RALGAPA1: variants seen among roughly 807,000 people sequenced by gnomAD.
RALGAPA1 encodes ral GTPase-activating protein subunit alpha-1.
Under a neutral mutation model 269.6 loss-of-function variants are expected in RALGAPA1, and 52 were observed. The observed-to-expected ratio is 0.19, with a 90% confidence interval of 0.15 to 0.24. The LOEUF (loss-of-function observed/expected upper bound fraction) is 0.24, where lower values mean the gene tolerates loss of function less well. RALGAPA1 is among the 10% of genes least tolerant of loss of function. The pLI is 1.00. For synonymous variants in RALGAPA1, 817 were observed against 1,008.3 expected (o/e 0.81, Z 3.60); for missense variants, 1,917 against 3,013.9 (o/e 0.64, Z 8.52).
intron 31 of RALGAPA1, among the ~76,000 whole-genome samples, chr14:35,640,779 A>C (rs544185095): frequency 1.1e-4 from 17 of 152,300 alleles, no homozygotes; most frequent in African/African-American, 3.6e-4. Context: ...CATCAACAAA[A>C]AGAAAACTAC....
chr14:35,558,339 T>G (rs565039411), intron 39 of RALGAPA1, among the ~76,000 whole-genome samples: 6 of 152,192 alleles, frequency 3.9e-5, no homozygotes, highest in Non-Finnish European at 7.3e-5. Flanking sequence ...CAGATGGTAT[T>G]TGGGAATCCT....
In RALGAPA1 at chr14:35,627,439, A is replaced by C; in HGVS notation, c.6508T>G (p.Phe2170Val). The C allele has an allele frequency of 1.2e-6, 2 of 1,613,556 alleles. No individual in the cohort carries two copies. Among genetic ancestry groups the C allele is most frequent in the Non-Finnish European group, 1.7e-6 (2 of 1,179,914 alleles). Residue 2170 changes from phenylalanine to valine, a missense_variant, in exon 34 of 42, where the codon TTT (phenylalanine) becomes GTT (valine). By Grantham distance (50) the Phe-to-Val change is conservative. Transcript: ENST00000680220. ...TCCCAAGTTGGTACAGTTTCTCTAA[A>C]TCTTTTAAACTGGAGAGAAAGTCCA... ...KDGLSLQFKR[F>V]RETVPTWDTI...
chr14:35,682,490 T>C (rs2065539193), intron 21 of RALGAPA1, among the ~76,000 whole-genome samples: 1 of 152,076 alleles, frequency 6.6e-6, no homozygotes, highest in Non-Finnish European at 1.5e-5. Flanking sequence ...GTATTTTTAG[T>C]AGAGATGGGG....
intron 31 of RALGAPA1, among the ~76,000 whole-genome samples, chr14:35,645,620 A>G (rs978445027): frequency 4.6e-5 from 7 of 151,126 alleles, no homozygotes; most frequent in Middle Eastern, 6.8e-3. Context: ...AGTCCCAGCT[A>G]CTCGGGAGGC....
intron 37 of RALGAPA1, among the ~76,000 whole-genome samples, chr14:35,593,927 G>A (rs891904839): frequency 4.0e-5 from 6 of 151,798 alleles, no homozygotes; most frequent in Non-Finnish European, 5.9e-5. Flanking sequence ...CGGTACTGGC[G>A]TAAAAACAGA....
chr14:35,706,614 CTTTTTTT>C (rs58711278), intron 16 of RALGAPA1: 2 of 111,216 alleles, frequency 1.8e-5, no homozygotes, highest in Non-Finnish European at 3.5e-5. Context: ...TTTGCCTTTC[CTTTTTTT>C]TTTTTTTTTT....
At chr14:35,563,524 G>C (rs1202071838) in intron 39 of RALGAPA1, among the ~76,000 whole-genome samples, 3 of 152,024 alleles carry the variant, frequency 2.0e-5, no homozygotes, top group Non-Finnish European at 4.4e-5. Flanking sequence ...AGAAACATAA[G>C]GGTAGGGAGG....
At chr14:35,754,673 C>T (rs1406298220) in intron 7 of RALGAPA1, among the ~76,000 whole-genome samples, 3 of 152,136 alleles carry the variant, frequency 2.0e-5, no homozygotes, top group Non-Finnish European at 2.9e-5. Flanking sequence ...CTTAAATAGT[C>T]AATATATACC....
chr14:35,610,690 A>G (rs951958703), intron 35 of RALGAPA1, among the ~76,000 whole-genome samples: 1 of 152,222 alleles, frequency 6.6e-6, no homozygotes, highest in African/African-American at 2.4e-5. Flanking sequence ...GAAGAAGCAA[A>G]AATATCTGAC....
chr14:35,688,897 C>G lies in RALGAPA1; in HGVS notation c.3514G>C (p.Ala1172Pro), dbSNP rs1196017086. The change falls in exon 18 of 42, where the codon GCT (alanine) becomes CCT (proline). Residue 1172 changes from alanine (A) to proline (P), a missense_variant. By Grantham distance (27) the Ala-to-Pro change is conservative. Coordinates refer to ENST00000680220, the MANE Select transcript of RALGAPA1 (RefSeq NM_001346249.2). Reference sequence around the variant, plus strand: ...TTCCGCAGTCTCATCTTCCATGGAGCCTCTTTGTTTTCCAGAGGATTATAA... The same window carrying G: ...TTCCGCAGTCTCATCTTCCATGGAGGCTCTTTGTTTTCCAGAGGATTATAA... ...QFYNPLENKE[A>P]PWKMRLRKLG... 2 of 1,264,120 alleles carry G rather than the reference C, an allele frequency of 1.6e-6. No homozygotes were observed. The highest frequency in any genetic ancestry group is 2.0e-6 in the Non-Finnish European group (2 of 1,006,856). 78.3% of individuals were successfully genotyped at this position (1,264,120 alleles called of 1,614,324 possible).
intron 17 of RALGAPA1, among the ~76,000 whole-genome samples, chr14:35,694,863 G>A (rs1472856280): frequency 6.6e-6 from 1 of 152,072 alleles, no homozygotes; most frequent in Non-Finnish European, 1.5e-5. Context: ...GACCACCTGA[G>A]GTCAAGAGTT....
intron 31 of RALGAPA1, among the ~76,000 whole-genome samples, chr14:35,637,671 G>A (rs111331029): frequency 6.6e-6 from 1 of 152,124 alleles, no homozygotes; most frequent in Non-Finnish European, 1.5e-5. Context: ...TAAAAACATA[G>A]AACTTCCCAA....
chr14:35,591,097 G>A (rs1463253699), intron 37 of RALGAPA1, among the ~76,000 whole-genome samples: 1 of 152,156 alleles, frequency 6.6e-6, no homozygotes, highest in Admixed American at 6.5e-5. Context: ...TAGCTACAAT[G>A]ACTTTTCCAT....
intron 31 of RALGAPA1, among the ~76,000 whole-genome samples, chr14:35,643,757 T>C (rs1166689918): frequency 1.3e-5 from 2 of 152,172 alleles, no homozygotes; most frequent in Non-Finnish European, 2.9e-5. Context: ...CTGGAAGTCA[T>C]TATGTTAAGT....
In RALGAPA1 at chr14:35,628,830, C is replaced by A. The variant is rs79930050; in HGVS notation, c.5996-879G>T. On this transcript the variant is annotated intron_variant, in intron 33 of 41. Transcript: ENST00000680220. ...AGTTGTATGCAAGAAATATTTTTTT[C>A]CCTCAAGTACAATACAGAGGAAAAC... Among the ~76,000 whole-genome samples, 171 of 152,082 alleles carry A rather than the reference C, an allele frequency of 1.1e-3. 2 individuals are homozygous for A. The East Asian group carries it at 0.031, about 27-fold the overall frequency.
At chr14:35,773,416 T>C (rs143453014) in intron 3 of RALGAPA1, among the ~76,000 whole-genome samples, 186 of 152,252 alleles carry the variant, frequency 1.2e-3, no homozygotes, top group Non-Finnish European at 2.1e-3. Flanking sequence ...AGATCTTTTT[T>C]CTAATAAAAT....
intron 10 of RALGAPA1, among the ~76,000 whole-genome samples, chr14:35,745,422 G>GAC (rs71445957): frequency 0.15 from 22,669 of 146,632 alleles, 2,870 homozygotes; most frequent in East Asian, 0.41. Flanking sequence ...CACACAGACA[G>GAC]ACACACACAC....
intron 4 of RALGAPA1, among the ~76,000 whole-genome samples, chr14:35,770,327 C>A (rs1443151562): frequency 6.6e-6 from 1 of 152,120 alleles, no homozygotes; most frequent in Non-Finnish European, 1.5e-5. Flanking sequence ...ATGGTGAAGA[C>A]TGACCATTAT....
intron 35 of RALGAPA1, among the ~76,000 whole-genome samples, chr14:35,612,879 C>A (rs544960672): frequency 1.3e-5 from 2 of 151,688 alleles, no homozygotes; most frequent in African/African-American, 2.4e-5. Context: ...ACACAAGTGA[C>A]AAAATAAAAA....
Sources: gnomAD v4.1 joint callset for allele counts (sites outside exome capture counted in the v4.1 genomes callset) on GRCh38, gnomAD v4.1.1 for gene constraint, MANE v1.5 for transcripts, NCBI Gene and HGNC (gene_info 2026-07-23, HGNC 2026-07-21) for gene names.